SRGAP3: variants seen among roughly 807,000 people sequenced by gnomAD.
SRGAP3 encodes SLIT-ROBO Rho GTPase-activating protein 3.
SRGAP3 carries 39 observed loss-of-function variants against 121.1 expected under a neutral mutation model. The observed-to-expected ratio is 0.32, with a 90% confidence interval of 0.25 to 0.42. The LOEUF (loss-of-function observed/expected upper bound fraction) is 0.42. Ranked by LOEUF, SRGAP3 falls within the 10% of genes least tolerant of loss-of-function variation. The pLI is 1.00. For missense variants in SRGAP3, 1,213 were observed against 1,470.6 expected (o/e 0.82, Z 2.86); for synonymous variants, 601 against 570.0 (o/e 1.05, Z -0.77).
chr3:9,288,756 G>A (rs944998303), intron 3 of SRGAP3, among the ~76,000 whole-genome samples: 2 of 151,136 alleles, frequency 1.3e-5, no homozygotes, highest in African/African-American at 2.4e-5. Flanking sequence ...TAAATTTTTT[G>A]TAGAGACAGG....
In SRGAP3 at chr3:9,181,857, G is replaced by A. The variant is rs115835413; in HGVS notation, c.68-56940C>T. ...ACTGGAGTCCTCATCCCAATAACTC[G>A]AAATGTGACCTTAATTTTAAAAAGG... is the stretch of plus-strand genomic sequence containing the variant. On this transcript the variant is annotated intron_variant, in intron 1 of 21. Coordinates refer to ENST00000383836, the MANE Select transcript of SRGAP3 (RefSeq NM_014850.4). 3.3e-3 allele frequency among the ~76,000 whole-genome samples: 509 copies of A among 152,212 alleles called. 2 individuals carry two copies. The highest frequency in any genetic ancestry group is 0.014 in the Middle Eastern group (4 of 294).
At chr3:8,990,214 G>T (rs543980572) in intron 21 of SRGAP3, among the ~76,000 whole-genome samples, 1 of 152,196 alleles carries the variant, frequency 6.6e-6, no homozygotes, top group African/African-American at 2.4e-5. Flanking sequence ...AAACTGAATC[G>T]TATCATTTTG....
chr3:9,032,528 T>G (rs2125092057), intron 12 of SRGAP3, 122 bp downstream of exon 12: 2 of 886,260 alleles, frequency 2.3e-6, no homozygotes, highest in East Asian at 4.9e-5. Context: ...CAGGCTGCAG[T>G]GAGGAACTAG....
intron 2 of SRGAP3, among the ~76,000 whole-genome samples, chr3:9,119,472 G>A (rs1262985374): frequency 5.3e-5 from 8 of 152,144 alleles, no homozygotes; most frequent in African/African-American, 1.2e-4. Flanking sequence ...ACTGCTGCAC[G>A]TTGCTCCTTC....
chr3:9,184,911 C>A (rs180801080), intron 1 of SRGAP3, among the ~76,000 whole-genome samples: 8 of 152,236 alleles, frequency 5.3e-5, no homozygotes, highest in Admixed American at 3.3e-4. Flanking sequence ...ACAATGTAAA[C>A]CTCAGTGCAA....
chr3:9,099,404 G>A (rs901819001), intron 3 of SRGAP3, among the ~76,000 whole-genome samples: 1 of 152,316 alleles, frequency 6.6e-6, no homozygotes. Context: ...GATGGCTATT[G>A]TTAAGGAAGC....
At chr3:9,161,318 T>C (rs772015011) in intron 1 of SRGAP3, among the ~76,000 whole-genome samples, 12 of 152,232 alleles carry the variant, frequency 7.9e-5, no homozygotes, top group Non-Finnish European at 1.6e-4. Context: ...AGAACTCCCA[T>C]GGGCCAGTGC....
At chr3:9,215,764 C>T (rs532908236) in intron 1 of SRGAP3, among the ~76,000 whole-genome samples, 1 of 152,336 alleles carries the variant, frequency 6.6e-6, no homozygotes, top group East Asian at 1.9e-4. Flanking sequence ...GAACTCAGGT[C>T]CCCCAGCCTT....
chr3:9,245,793 A>G (rs2648524), intron 1 of SRGAP3, among the ~76,000 whole-genome samples: 17,543 of 152,138 alleles, frequency 0.12, 1,163 homozygotes, highest in East Asian at 0.21. Flanking sequence ...ATGTGGTGGC[A>G]CGTGCCTGTA....
At chr3:8,988,311 G>T (rs530756924) in intron 21 of SRGAP3, among the ~76,000 whole-genome samples, 41 of 152,248 alleles carry the variant, frequency 2.7e-4, no homozygotes, top group African/African-American at 7.9e-4. Flanking sequence ...AAAGAAATTT[G>T]GGTCACTCGG....
At chr3:9,150,175 G>A (rs1302888755) in intron 1 of SRGAP3, among the ~76,000 whole-genome samples, 4 of 151,974 alleles carry the variant, frequency 2.6e-5, no homozygotes, top group Non-Finnish European at 5.9e-5. Flanking sequence ...AGGGGGTCCC[G>A]AAAGTAATGG....
In SRGAP3 at chr3:9,293,013, A is replaced by G. The variant is rs1954894310; in HGVS notation, n.442+32997T>C. ...AGGGCTTTAGATTTAGCAGCTGAAA[A>G]AAAAAAGAAAGAAAGAAAGAAAGAA... is the stretch of plus-strand genomic sequence containing the variant. On this transcript the variant is annotated intron_variant and non_coding_transcript_variant, in intron 3 of 3. Transcript: ENST00000490889. 2.6e-5 allele frequency: 4 copies of G among 151,666 alleles called. No individual in the cohort carries two copies. The Admixed American group carries it at 2.6e-4, about 10-fold the overall frequency. The allele number at this position is 151,666 out of a possible 1,614,324, so 9.4% of individuals were successfully genotyped here. A position where few individuals can be genotyped will look rare whatever the true frequency, so the allele number is the denominator to read the frequency against.
chr3:9,294,559 A>AG (rs397712865), intron 3 of SRGAP3, among the ~76,000 whole-genome samples: 1 of 151,548 alleles, frequency 6.6e-6, no homozygotes, highest in African/African-American at 2.4e-5. Context: ...ACAAAAAAAA[A>AG]CACCAATTCT....
At chr3:9,299,359 C>CAAAAAAA (rs35608018) in intron 3 of SRGAP3, among the ~76,000 whole-genome samples, 2 of 91,256 alleles carry the variant, frequency 2.2e-5, no homozygotes, top group Non-Finnish European at 2.2e-5. Flanking sequence ...GACTCCGTCC[C>CAAAAAAA]AAAAAAAAAA....
intron 1 of SRGAP3, among the ~76,000 whole-genome samples, chr3:9,199,741 C>T (rs1367671426): frequency 2.6e-5 from 4 of 152,206 alleles, no homozygotes; most frequent in Non-Finnish European, 5.9e-5. Flanking sequence ...TATTCTCTAA[C>T]TCAAAGCATG....
chr3:9,286,854 A>G (rs34835755), intron 3 of SRGAP3, among the ~76,000 whole-genome samples: 31,748 of 151,002 alleles, frequency 0.21, 3,652 homozygotes, highest in African/African-American at 0.29. Flanking sequence ...TGCCTGCCTC[A>G]GCCTCCCAAA....
At chr3:9,027,357 C>T (rs1339106860) in intron 12 of SRGAP3, among the ~76,000 whole-genome samples, 2 of 152,242 alleles carry the variant, frequency 1.3e-5, no homozygotes, top group Non-Finnish European at 1.5e-5. Context: ...TCCATTTTGT[C>T]CCAACTCAAC....
intron 1 of SRGAP3, among the ~76,000 whole-genome samples, chr3:9,139,753 G>T (rs1054014261): frequency 1.3e-5 from 2 of 152,240 alleles, no homozygotes; most frequent in Non-Finnish European, 2.9e-5. Context: ...GAATTACAGA[G>T]TACAGTCTAA....
At chr3:9,137,143 A>T (rs1229149314) in intron 1 of SRGAP3, among the ~76,000 whole-genome samples, 1 of 152,132 alleles carries the variant, frequency 6.6e-6, no homozygotes, top group South Asian at 2.1e-4. Flanking sequence ...ATTTCATGTA[A>T]ATATTAAGAA....
Sources: allele counts gnomAD v4.1 joint callset (sites outside exome capture counted in the v4.1 genomes callset), GRCh38; gene constraint gnomAD v4.1.1; transcripts MANE v1.5; gene names NCBI Gene and HGNC (gene_info 2026-07-23, HGNC 2026-07-21).